SGCZ: variants seen among roughly 807,000 people sequenced by gnomAD.
SGCZ encodes zeta-sarcoglycan.
In SGCZ, 40 loss-of-function variants were observed where a neutral mutation model predicts 41.3. The ratio of observed to expected loss-of-function variants is 0.97; its 90% confidence interval spans 0.75 to 1.26. The LOEUF is 1.26. Ranked by LOEUF, SGCZ falls within the 50% of genes most tolerant of loss-of-function variation. The probability of loss-of-function intolerance (pLI) is 0.00; values close to 1 mark genes in which losing one functional copy is unlikely to be tolerated. For missense variants in SGCZ, 552 were observed against 369.8 expected (o/e 1.49, Z -4.04); for synonymous variants, 206 against 137.5 (o/e 1.50, Z -3.49).
intron 3 of SGCZ, among the ~76,000 whole-genome samples, chr8:14,294,691 G>A (rs1015047442): frequency 2.0e-5 from 3 of 152,032 alleles, no homozygotes; most frequent in Non-Finnish European, 4.4e-5. Flanking sequence ...CTTGTATGTA[G>A]AATAGGTAGG....
At chr8:14,212,774 T>G (rs1805861277) in intron 4 of SGCZ, among the ~76,000 whole-genome samples, 1 of 152,130 alleles carries the variant, frequency 6.6e-6, no homozygotes, top group Non-Finnish European at 1.5e-5. Context: ...AGGACAAGAA[T>G]TTTTAAAAAG....
rs377621058 is a variant in SGCZ, at chr8:14,857,317, T to C, written c.40-302391A>G. On this transcript the variant is annotated intron_variant, in intron 1 of 7. Coordinates refer to ENST00000382080, the MANE Select transcript of SGCZ (RefSeq NM_139167.4). Reference sequence around the variant, plus strand: ...CTTTATCAATTACCCAGTTGTCAGATATTTCTTTATAGCAGTGAAAAAACG... The same window carrying C: ...CTTTATCAATTACCCAGTTGTCAGACATTTCTTTATAGCAGTGAAAAAACG... 4.1e-3 allele frequency among the ~76,000 whole-genome samples: 623 copies of C among 152,278 alleles called. 4 individuals are homozygous for C. Among genetic ancestry groups the C allele is most frequent in the South Asian group, 0.018 (88 of 4,820 alleles).
intron 1 of SGCZ, among the ~76,000 whole-genome samples, chr8:15,028,629 T>C (rs1803543841): frequency 6.6e-6 from 1 of 152,126 alleles, no homozygotes. Flanking sequence ...CTCAGTCATA[T>C]TGATTCAAGT....
At chr8:14,206,425 C>G (rs1805617506) in intron 4 of SGCZ, among the ~76,000 whole-genome samples, 1 of 152,106 alleles carries the variant, frequency 6.6e-6, no homozygotes, top group South Asian at 2.1e-4. Flanking sequence ...ATGGAGTACA[C>G]ACAAAACTAT....
chr8:14,376,765 G>C (rs1014318066), intron 2 of SGCZ, among the ~76,000 whole-genome samples: 2 of 152,122 alleles, frequency 1.3e-5, no homozygotes, highest in African/African-American at 4.8e-5. Context: ...CAAATATCAT[G>C]TCAAATGTCC....
In SGCZ at chr8:14,612,253, G is replaced by A. The variant is rs76570042; in HGVS notation, c.40-57327C>T. On this transcript the variant is annotated intron_variant, in intron 1 of 7. Coordinates refer to ENST00000382080, the MANE Select transcript of SGCZ (RefSeq NM_139167.4). Reference sequence around the variant, plus strand: ...ACTGTTGCCAGGTGATTGGATCATGGGGTCAGTCTCCTCCATGCTGTTCTC... The same window carrying A: ...ACTGTTGCCAGGTGATTGGATCATGAGGTCAGTCTCCTCCATGCTGTTCTC... Among the ~76,000 whole-genome samples, 70 of 101,188 alleles carry A rather than the reference G, an allele frequency of 6.9e-4. 2 individuals are homozygous for A. In the South Asian group the frequency reaches 0.02, roughly 29 times the overall value. The allele number at this position is 101,188 out of a possible 152,430, so 66.4% of individuals were successfully genotyped here. A position where few individuals can be genotyped will look rare whatever the true frequency, so the allele number is the denominator to read the frequency against.
chr8:15,172,877 T>C (rs1190053522), intron 1 of SGCZ, among the ~76,000 whole-genome samples: 1 of 152,224 alleles, frequency 6.6e-6, no homozygotes, highest in Non-Finnish European at 1.5e-5. Context: ...TATTGATGTA[T>C]AAAGATGTAT....
At chr8:14,362,930 C>A (rs1264519687) in intron 2 of SGCZ, among the ~76,000 whole-genome samples, 1 of 152,136 alleles carries the variant, frequency 6.6e-6, no homozygotes, top group Non-Finnish European at 1.5e-5. Context: ...TTGGAGATAA[C>A]TAATATATAG....
intron 1 of SGCZ, among the ~76,000 whole-genome samples, chr8:14,707,797 C>T (rs1457652193): frequency 2.0e-5 from 3 of 152,090 alleles, no homozygotes; most frequent in African/African-American, 7.2e-5. Context: ...TGTCATTTTA[C>T]CTGTGGCAAA....
intron 1 of SGCZ, among the ~76,000 whole-genome samples, chr8:14,698,999 T>G (rs1054924558): frequency 6.6e-6 from 1 of 151,800 alleles, no homozygotes; most frequent in Non-Finnish European, 1.5e-5. Flanking sequence ...TAAACTATGA[T>G]AAAAGTTAGA....
At chr8:14,813,590 A>T (rs1801800670) in intron 1 of SGCZ, among the ~76,000 whole-genome samples, 1 of 152,220 alleles carries the variant, frequency 6.6e-6, no homozygotes, top group Non-Finnish European at 1.5e-5. Flanking sequence ...TTCCAGCTCC[A>T]GTACACAGAA....
chr8:15,158,782 G>C (rs1370508999), intron 1 of SGCZ, among the ~76,000 whole-genome samples: 1 of 152,208 alleles, frequency 6.6e-6, no homozygotes, highest in Non-Finnish European at 1.5e-5. Flanking sequence ...GAGGGTCACA[G>C]GGATGAGGAG....
At position 14,825,635 on chromosome 8, in the gene SGCZ, T is replaced by G. The variant is rs28461480; in HGVS notation, c.40-270709A>C. Among the ~76,000 whole-genome samples the G allele has an allele frequency of 3.2e-3, 492 of 152,290 alleles. 4 individuals carry two copies. The highest frequency in any genetic ancestry group is 0.011 in the African/African-American group (473 of 41,566). On this transcript the variant is annotated intron_variant, in intron 1 of 7. Transcript: ENST00000382080. ...TTAACTCATTCATCCCCACATAAGC[T>G]TTATCTTAGTACAACGGAACTTGCT...
At chr8:15,217,203 G>A (rs1251685224) in intron 1 of SGCZ, among the ~76,000 whole-genome samples, 2 of 151,726 alleles carry the variant, frequency 1.3e-5, no homozygotes, top group Admixed American at 6.6e-5. Flanking sequence ...GGATCACGAG[G>A]TCAGGAGATC....
At chr8:14,860,562 GAAAGAAAGAAAAGAA>G (rs925511679) in intron 1 of SGCZ, among the ~76,000 whole-genome samples, 25 of 141,938 alleles carry the variant, frequency 1.8e-4, no homozygotes, top group Non-Finnish European at 3.2e-4. Context: ...GAAAGGAAAG[GAAAGAAAGAAAAGAA>G]AAAGAAAGAA....
At chr8:14,539,295 C>G (rs1036418974) in intron 2 of SGCZ, among the ~76,000 whole-genome samples, 17 of 151,930 alleles carry the variant, frequency 1.1e-4, no homozygotes, top group African/African-American at 3.9e-4. Context: ...CTCTCCTTGT[C>G]TCTCTCTTTC....
chr8:14,860,708 G>GAAAGAA (rs1554513265), intron 1 of SGCZ, among the ~76,000 whole-genome samples: 93 of 132,756 alleles, frequency 7.0e-4, no homozygotes, highest in South Asian at 4.4e-3. Flanking sequence ...AAGAAAGAAA[G>GAAAGAA]AGAAAGAAAG....
chr8:14,648,130 TTA>T (rs1807284674), intron 1 of SGCZ, among the ~76,000 whole-genome samples: 1 of 152,126 alleles, frequency 6.6e-6, no homozygotes, highest in South Asian at 2.1e-4. Context: ...TCCTTAAAAG[TTA>T]AAAGTATATT....
intron 1 of SGCZ, among the ~76,000 whole-genome samples, chr8:15,005,319 T>G (rs1037950380): frequency 1.6e-5 from 2 of 121,390 alleles, no homozygotes; most frequent in Admixed American, 8.8e-5. Flanking sequence ...CCCCCGTTTT[T>G]TTCTTTTTCT....
Sources: allele counts gnomAD v4.1 joint callset (sites outside exome capture counted in the v4.1 genomes callset), GRCh38; gene constraint gnomAD v4.1.1; transcripts MANE v1.5; gene names NCBI Gene and HGNC (gene_info 2026-07-23, HGNC 2026-07-21).